Variants in TPRG1 observed in about 807,000 individuals in gnomAD.
The protein encoded by TPRG1 is tumor protein p63 regulated 1, also known as tumor protein p63-regulated gene 1 protein.
Under a neutral mutation model 29.3 loss-of-function variants are expected in TPRG1, and 29 were observed. The ratio of observed to expected loss-of-function variants is 0.99; its 90% CI spans 0.74 to 1.35. The LOEUF (loss-of-function observed/expected upper bound fraction) is 1.35. Ranked by LOEUF, TPRG1 falls within the 40% of genes most tolerant of loss-of-function variation. The probability of loss-of-function intolerance (pLI) is 0.00; values close to 1 mark genes in which losing one functional copy is unlikely to be tolerated. For missense variants in TPRG1, 327 were observed against 335.0 expected (o/e 0.98, Z 0.19); for synonymous variants, 130 against 116.8 (o/e 1.11, Z -0.73).
intron 1 of TPRG1, among the ~76,000 whole-genome samples, chr3:189,173,802 GT>G (rs1729140907): frequency 6.6e-6 from 1 of 152,076 alleles, no homozygotes; most frequent in Non-Finnish European, 1.5e-5. Flanking sequence ...TTTGGAGACT[GT>G]AACTAGATGT....
intron 5 of TPRG1, among the ~76,000 whole-genome samples, chr3:189,312,193 C>T (rs377664177): frequency 1.6e-4 from 12 of 75,178 alleles, no homozygotes; most frequent in East Asian, 2.6e-4. Context: ...TTTTTTCTTT[C>T]TTTCTTTCTT....
At chr3:189,178,660 T>C (rs531634473) in intron 1 of TPRG1, among the ~76,000 whole-genome samples, 5 of 152,314 alleles carry the variant, frequency 3.3e-5, no homozygotes, top group Middle Eastern at 3.4e-3. Context: ...GGGGTTGAAG[T>C]CAACTGTGCA....
intron 4 of TPRG1, among the ~76,000 whole-genome samples, chr3:189,268,045 T>G (rs1243449607): frequency 1.3e-5 from 2 of 152,178 alleles, no homozygotes; most frequent in African/African-American, 4.8e-5. Flanking sequence ...ATTAATGGTC[T>G]TGGAATTCAA....
intron 4 of TPRG1, among the ~76,000 whole-genome samples, chr3:189,084,082 C>T (rs745570129): frequency 6.6e-5 from 10 of 151,364 alleles, no homozygotes; most frequent in African/African-American, 1.2e-4. Context: ...ACCTGGGAGG[C>T]GGAGGTTGCA....
At chr3:189,100,516 T>C (rs1313003893) in intron 1 of TPRG1, among the ~76,000 whole-genome samples, 1 of 152,196 alleles carries the variant, frequency 6.6e-6, no homozygotes, top group Non-Finnish European at 1.5e-5. Context: ...TGTCACATAA[T>C]GAATTATTTG....
chr3:189,322,328 A>G lies in TPRG1; in HGVS notation c.*1508A>G, dbSNP rs1357179942. On this transcript the variant is annotated 3_prime_UTR_variant, in exon 6 of 6. Transcript: ENST00000345063. ...TTTAATGCAGACATTCAAACCCTAAACCTTGAATAACTCTTATTTTATTTT... is the reference window on the plus strand; with the variant it reads ...TTTAATGCAGACATTCAAACCCTAAGCCTTGAATAACTCTTATTTTATTTT... 1 of 152,318 alleles carries G rather than the reference A, an allele frequency of 6.6e-6. No homozygotes were observed. Among genetic ancestry groups the G allele is most frequent in the Non-Finnish European group, 1.5e-5 (1 of 67,972 alleles). 9.4% of individuals were successfully genotyped at this position (152,318 alleles called of 1,614,324 possible).
chr3:189,077,485 A>G (rs1203616001), intron 4 of TPRG1, among the ~76,000 whole-genome samples: 1 of 152,148 alleles, frequency 6.6e-6, no homozygotes, highest in Non-Finnish European at 1.5e-5. Flanking sequence ...TTGCCTCTTT[A>G]GAAAAGATTG....
chr3:189,072,810 A>G (rs1483079576), intron 4 of TPRG1, among the ~76,000 whole-genome samples: 2 of 152,096 alleles, frequency 1.3e-5, no homozygotes, highest in Non-Finnish European at 2.9e-5. Context: ...CTGTCTATGT[A>G]ATTTTTATTA....
At chr3:189,171,448 GC>G (rs1728799897), upstream of TPRG1, among the ~76,000 whole-genome samples, 1 of 152,210 alleles carries the variant, frequency 6.6e-6, no homozygotes, top group Admixed American at 6.5e-5. Flanking sequence ...ATGTAGCATT[GC>G]CCTCAAGGGG....
At chr3:189,189,488 A>T (rs577129800) in intron 1 of TPRG1, among the ~76,000 whole-genome samples, 2 of 152,290 alleles carry the variant, frequency 1.3e-5, no homozygotes, top group East Asian at 3.9e-4. Flanking sequence ...GGAATAAGGG[A>T]TATACTTGGA....
intron 4 of TPRG1, among the ~76,000 whole-genome samples, chr3:189,037,056 A>T (rs1046145198): frequency 4.6e-4 from 68 of 148,822 alleles, no homozygotes; most frequent in Admixed American, 9.4e-4. Flanking sequence ...ACAAATATTT[A>T]AAAAAAAAAT....
At chr3:189,036,735 T>C (rs2152132242) in intron 4 of TPRG1, among the ~76,000 whole-genome samples, 1 of 152,018 alleles carries the variant, frequency 6.6e-6, no homozygotes, top group South Asian at 2.1e-4. Context: ...AGTTGAAAAT[T>C]AGCAAAATAT....
At position 189,164,857 on chromosome 3, in the gene TPRG1, C is replaced by T. The variant is rs566631722; in HGVS notation, c.-10+13985C>T. On this transcript the variant is annotated intron_variant, in intron 5 of 6. Coordinates refer to the TPRG1 transcript ENST00000412373. ...ACAGCTCCCATGTCCCCCTGGGGTCCCAAACGTGCTTTAAGAAAACTCTGA... is the reference window on the plus strand; with the variant it reads ...ACAGCTCCCATGTCCCCCTGGGGTCTCAAACGTGCTTTAAGAAAACTCTGA... Among the ~76,000 whole-genome samples, 4 of 152,230 alleles carry T rather than the reference C, an allele frequency of 2.6e-5. No homozygotes were observed. The South Asian group carries it at 8.3e-4, about 32-fold the overall frequency.
chr3:189,057,486 C>T (rs1026462992), intron 4 of TPRG1, among the ~76,000 whole-genome samples: 31 of 148,526 alleles, frequency 2.1e-4, no homozygotes, highest in Admixed American at 5.4e-4. Context: ...TTGCTTCTTA[C>T]AGAGCCCTGA....
intron 4 of TPRG1, among the ~76,000 whole-genome samples, chr3:189,248,415 T>C (rs996955904): frequency 1.3e-5 from 2 of 151,814 alleles, no homozygotes; most frequent in Admixed American, 6.6e-5. Context: ...ACCACTTCTT[T>C]TGGGTTTACT....
At chr3:189,109,683 C>T (rs947576376) in intron 1 of TPRG1, among the ~76,000 whole-genome samples, 4 of 152,056 alleles carry the variant, frequency 2.6e-5, no homozygotes, top group Admixed American at 1.3e-4. Context: ...CTTTTTTCCC[C>T]ACCTAAAAAA....
intron 4 of TPRG1, among the ~76,000 whole-genome samples, chr3:189,269,897 A>G (rs572190462): frequency 6.6e-6 from 1 of 152,340 alleles, no homozygotes; most frequent in South Asian, 2.1e-4. Context: ...TTATGTCACC[A>G]GGAAAAAGGA....
At chr3:189,130,398 G>GA (rs1722974339) in intron 2 of TPRG1, among the ~76,000 whole-genome samples, 1 of 152,224 alleles carries the variant, frequency 6.6e-6, no homozygotes, top group Non-Finnish European at 1.5e-5. Context: ...TGTAGTACCT[G>GA]AAAAAATTAA....
intron 1 of TPRG1, among the ~76,000 whole-genome samples, chr3:189,173,403 G>A (rs1199887813): frequency 6.8e-5 from 10 of 147,028 alleles, no homozygotes; most frequent in Non-Finnish European, 1.2e-4. Flanking sequence ...GTAGTGGCGC[G>A]ATCTCGGCTC....
Sources: allele counts gnomAD v4.1 joint callset (sites outside exome capture counted in the v4.1 genomes callset), GRCh38; gene constraint gnomAD v4.1.1; transcripts MANE v1.5; gene names NCBI Gene and HGNC (gene_info 2026-07-23, HGNC 2026-07-21).